The following EEA1 variants were observed in gnomAD, a reference collection of about 807,000 sequenced individuals.
EEA1 encodes the protein early endosome antigen 1.
Under a neutral mutation model 209.2 loss-of-function variants are expected in EEA1, and 111 were observed. The observed-to-expected ratio is 0.53, with a 90% confidence interval of 0.45 to 0.62. The LOEUF (loss-of-function observed/expected upper bound fraction) is 0.62. EEA1 is among the 20% of genes least tolerant of loss of function. EEA1 has a pLI of 0.00. For synonymous variants in EEA1, 536 were observed against 540.6 expected (o/e 0.99, Z 0.12); for missense variants, 1,343 against 1,530.8 (o/e 0.88, Z 2.05).
At chr12:92,789,678 C>T (rs1395839045) in intron 21 of EEA1, among the ~76,000 whole-genome samples, 1 of 152,212 alleles carries the variant, frequency 6.6e-6, no homozygotes, top group African/African-American at 2.4e-5. Flanking sequence ...CTAGACTCCA[C>T]CTCTGGGGGC....
intron 2 of EEA1, among the ~76,000 whole-genome samples, chr12:92,877,515 T>C (rs1274297634): frequency 6.6e-6 from 1 of 151,910 alleles, no homozygotes; most frequent in African/African-American, 2.4e-5. Flanking sequence ...AAGGTGATAA[T>C]TGAACTAAAA....
intron 2 of EEA1, among the ~76,000 whole-genome samples, chr12:92,872,246 A>G (rs1448924330): frequency 6.6e-6 from 1 of 151,942 alleles, no homozygotes; most frequent in Non-Finnish European, 1.5e-5. Context: ...ATGGGGTTTC[A>G]CCATGTTGGC....
intron 22 of EEA1, among the ~76,000 whole-genome samples, chr12:92,786,416 A>G (rs1000552075): frequency 7.2e-5 from 11 of 152,160 alleles, no homozygotes; most frequent in African/African-American, 2.7e-4. Flanking sequence ...ATTTTTTCTT[A>G]ATAACAACTA....
intron 2 of EEA1, among the ~76,000 whole-genome samples, chr12:92,880,192 A>T (rs1348683036): frequency 6.6e-6 from 1 of 152,262 alleles, no homozygotes; most frequent in African/African-American, 2.4e-5. Context: ...ACCTGGGGCA[A>T]AATCCCTCCT....
At chr12:92,864,545 A>G (rs1156932620) in intron 3 of EEA1, among the ~76,000 whole-genome samples, 1 of 152,214 alleles carries the variant, frequency 6.6e-6, no homozygotes, top group Non-Finnish European at 1.5e-5. Flanking sequence ...AACTTACTAT[A>G]AAGTCATCTA....
intron 18 of EEA1, 109 bp from the exon 19 acceptor site, chr12:92,802,843 AG>A: frequency 2.5e-6 from 2 of 790,906 alleles, no homozygotes; most frequent in Non-Finnish European, 3.8e-6. Flanking sequence ...TTTTTTGTAT[AG>A]TTCACAAGTA....
chr12:92,911,384 C>G (rs1236785034), intron 1 of EEA1, among the ~76,000 whole-genome samples: 1 of 152,106 alleles, frequency 6.6e-6, no homozygotes, highest in Admixed American at 6.5e-5. Flanking sequence ...AGGAGCCAAT[C>G]TGAAAATGCT....
intron 5 of EEA1, among the ~76,000 whole-genome samples, chr12:92,856,459 G>GAGT (rs1555204481): frequency 6.6e-6 from 1 of 152,024 alleles, no homozygotes; most frequent in Non-Finnish European, 1.5e-5. Context: ...TACAGAATAT[G>GAGT]AGTGTGTGTG....
Position 92,865,000 on chromosome 12 carries a change from G to A in EEA1, c.118-13C>T, listed in dbSNP as rs768832805. 4.5e-6 allele frequency: 7 copies of A among 1,567,084 alleles called. No individual in the cohort carries two copies. Among genetic ancestry groups the A allele is most frequent in the African/African-American group, 4.1e-5 (3 of 72,342 alleles). On this transcript the variant is annotated splice_polypyrimidine_tract_variant and intron_variant, in intron 2 of 28. Coordinates refer to ENST00000322349, the MANE Select transcript of EEA1 (RefSeq NM_003566.4). ...GACATATGAAACCCTATAGAAAGGG[G>A]CAGAAAAAAGTTTCAAAATAGTATT...
chr12:92,840,128 TC>T (rs1375956481), intron 10 of EEA1, among the ~76,000 whole-genome samples: 1 of 152,188 alleles, frequency 6.6e-6, no homozygotes, highest in Non-Finnish European at 1.5e-5. Context: ...CCTATTTTTT[TC>T]TTTCTTGACT....
At chr12:92,913,746 C>T (rs1346845635) in intron 1 of EEA1, among the ~76,000 whole-genome samples, 3 of 152,160 alleles carry the variant, frequency 2.0e-5, no homozygotes, top group African/African-American at 7.2e-5. Flanking sequence ...CTGCAACCTC[C>T]ACCTCCCAGG....
In EEA1 at chr12:92,852,120, A is replaced by C. The variant is rs1877655698; in HGVS notation, c.642+55T>G. 2.2e-6 allele frequency: 3 copies of C among 1,361,190 alleles called. No individual in the cohort carries two copies. The African/African-American group carries it at 4.5e-5, about 20-fold the overall frequency. 84.3% of individuals were successfully genotyped at this position (1,361,190 alleles called of 1,614,324 possible). A position where few individuals can be genotyped will look rare whatever the true frequency, so the allele number is the denominator to read the frequency against. On this transcript the variant is annotated intron_variant, in intron 8 of 28. Coordinates refer to ENST00000322349, the MANE Select transcript of EEA1 (RefSeq NM_003566.4). ...CATTTTCCTTCAGGGTATGTATTTT[A>C]TTTTTAATTTAGAAAGGTATAAGAG... is the stretch of plus-strand genomic sequence containing the variant.
chr12:92,816,152 T>C (rs771708201), intron 15 of EEA1, 48 bp downstream of exon 15: 1 of 1,517,602 alleles, frequency 6.6e-7, no homozygotes, highest in Non-Finnish European at 9.1e-7. Context: ...TTAAAACATT[T>C]GACGGTCTAA....
chr12:92,911,762 C>A (rs560569713), intron 1 of EEA1, among the ~76,000 whole-genome samples: 22 of 152,300 alleles, frequency 1.4e-4, no homozygotes, highest in South Asian at 1.2e-3. Context: ...ATCTCTGTAA[C>A]CTTCACTCAA....
At position 92,832,687 on chromosome 12, in the gene EEA1, A is replaced by T. The variant is rs1414802587; in HGVS notation, c.1079T>A (p.Leu360Gln). The change falls in exon 11 of 29, where the codon CTG becomes CAG. Residue 360 changes from leucine (L) to glutamine (Q), a missense_variant. Around this residue, in one of 3 missense-constraint regions of EEA1, gnomAD observed 1,307 missense variants for 1,465.5 expected, o/e 0.89. Coordinates refer to ENST00000322349, the MANE Select transcript of EEA1 (RefSeq NM_003566.4). ...ACTTAGTTCTACATGTATTCTATGC[A>T]GTGAGGTTTCAGATGCAGACAATCT... ...QSRLSASETS[L>Q]HRIHVELSEK... The T allele has an allele frequency of 1.9e-6, 3 of 1,614,004 alleles. No individual in the cohort carries two copies.
In EEA1 at chr12:92,799,079, T is replaced by C; in HGVS notation, c.2780A>G (p.His927Arg). ...KSLEKEKEAS[H>R]QLKLELNSMQ... The stretch of plus-strand genomic sequence containing the variant: ...TGAATTGAGTTCCAATTTCAACTGA[T>C]GAGAAGCCTGAAAGAAAAAAAAAAT... Residue 927 changes from histidine (H) to arginine (R), a missense_variant, in exon 21 of 29, where the codon CAT (histidine) becomes CGT (arginine). Physicochemically the swap from His to Arg is conservative, Grantham distance 29. Around this residue, in one of 3 missense-constraint regions of EEA1, gnomAD observed 1,307 missense variants for 1,465.5 expected, o/e 0.89. Coordinates refer to ENST00000322349, the MANE Select transcript of EEA1 (RefSeq NM_003566.4). 6.3e-7 allele frequency: 1 copy of C among 1,581,702 alleles called. No homozygotes were observed. Among genetic ancestry groups the C allele is most frequent in the South Asian group, 1.2e-5 (1 of 84,524 alleles).
At position 92,842,536 on chromosome 12, in the gene EEA1, C is replaced by T; in HGVS notation, c.844G>A (p.Glu282Lys). The T allele has an allele frequency of 2.5e-6, 4 of 1,608,044 alleles. No individual in the cohort carries two copies. Among genetic ancestry groups the T allele is most frequent in the Non-Finnish European group, 3.4e-6 (4 of 1,178,040 alleles). Reference sequence around the variant, plus strand: ...AGTTCCTGTACATATACAGCAACTTCCTGGGGGCCTTTGGCAAGTTCACTC... The same window carrying T: ...AGTTCCTGTACATATACAGCAACTTTCTGGGGGCCTTTGGCAAGTTCACTC... ...LRSELAKGPQEVAVYVQELQK... is the reference protein window; with the variant it reads ...LRSELAKGPQKVAVYVQELQK... The change falls in exon 10 of 29, where the codon GAA becomes AAA. Residue 282 changes from glutamate to lysine, a missense_variant. Glu to Lys is a moderately conservative substitution (Grantham distance 56). Around this residue, in one of 3 missense-constraint regions of EEA1, gnomAD observed 1,307 missense variants for 1,465.5 expected, o/e 0.89. Transcript: ENST00000322349.
At chr12:92,780,250 A>G (rs757311315) in intron 24 of EEA1, 30 bp downstream of exon 24, 21 of 1,577,206 alleles carry the variant, frequency 1.3e-5, no homozygotes, top group Non-Finnish European at 1.8e-5. Flanking sequence ...TATAACACAG[A>G]AGGCAGGAGA....
rs747239570 is a variant in EEA1 at position 92,826,186 on chromosome 12, C to CA, written c.1503_1504insT (p.Ala502CysfsTer9). 6.2e-7 allele frequency: 1 copy of CA among 1,613,048 alleles called. No individual in the cohort carries two copies. Among genetic ancestry groups the CA allele is most frequent in the East Asian group, 2.2e-5 (1 of 44,816 alleles). ...TTTACCTGAGCTTCTCGAAGTTTTG[C>CA]CGTGGTGCTTTGCTGAAGAGCCTGT... On this transcript the variant is annotated frameshift_variant, in exon 13 of 29. Transcript: ENST00000322349. LOFTEE classifies it high-confidence loss of function.
Sources: gnomAD v4.1 joint callset for allele counts (sites outside exome capture counted in the v4.1 genomes callset) on GRCh38, gnomAD v4.1.1 for gene constraint, gnomAD v4.1.1 regional missense constraint, MANE v1.5 for transcripts, NCBI Gene and HGNC (gene_info 2026-07-23, HGNC 2026-07-21) for gene names.